The following CYRIB variants were observed in gnomAD, a reference collection of about 807,000 sequenced individuals.
The protein encoded by CYRIB is CYFIP-related Rac1 interactor B.
CYRIB carries 8 observed loss-of-function variants against 44.2 expected under a neutral mutation model. The observed-to-expected ratio is 0.18, with a 90% CI of 0.11 to 0.33. The LOEUF (loss-of-function observed/expected upper bound fraction) is 0.33, where lower values mean the gene tolerates loss of function less well. CYRIB is among the 10% of genes least tolerant of loss of function. CYRIB has a pLI of 1.00. For synonymous variants in CYRIB, 131 were observed against 127.2 expected (o/e 1.03, Z -0.20); for missense variants, 185 against 382.8 (o/e 0.48, Z 4.31).
intron 1 of CYRIB, among the ~76,000 whole-genome samples, chr8:129,975,214 C>A (rs2095867056): frequency 6.6e-6 from 1 of 151,738 alleles, no homozygotes; most frequent in Admixed American, 6.6e-5. Context: ...CAGGGTGTCA[C>A]CATATTGCCC....
intron 5 of CYRIB, among the ~76,000 whole-genome samples, chr8:129,857,377 A>G (rs541887540): frequency 1.3e-5 from 2 of 152,344 alleles, no homozygotes; most frequent in Admixed American, 1.3e-4. Flanking sequence ...AAGGATGAAC[A>G]TGAGTTTGCA....
Position 130,006,646 on chromosome 8 carries a change from ATATACATATATATATG to A in CYRIB, c.-296+9708_-296+9723del, listed in dbSNP as rs1166053633. Among the ~76,000 whole-genome samples, 4 of 127,568 alleles carry A rather than the reference ATATACATATATATATG, an allele frequency of 3.1e-5. 1 individual carries two copies. Among genetic ancestry groups the A allele is most frequent in the African/African-American group, 1.2e-4 (4 of 34,372 alleles). The allele number at this position is 127,568 out of a possible 152,430, so 83.7% of individuals were successfully genotyped here. ...TATATATACATATATATGTGTATAT[ATATACATATATATATG>A]TATATATATATGTATATATATACAC... On this transcript the variant is annotated intron_variant, in intron 1 of 14. Coordinates refer to the CYRIB transcript ENST00000401979.
At chr8:129,875,237 C>T (rs1302958796) in intron 3 of CYRIB, among the ~76,000 whole-genome samples, 1 of 149,608 alleles carries the variant, frequency 6.7e-6, no homozygotes, top group Non-Finnish European at 1.5e-5. Flanking sequence ...ATTCCAACAA[C>T]TAGAAGAGGC....
chr8:129,896,545 C>A (rs1190322888), intron 2 of CYRIB: 6 of 152,134 alleles, frequency 3.9e-5, no homozygotes, highest in African/African-American at 1.4e-4. Flanking sequence ...GAGTTCAAAT[C>A]CTTAAAAATC....
intron 1 of CYRIB, among the ~76,000 whole-genome samples, chr8:129,913,250 C>T (rs1156348045): frequency 1.9e-4 from 29 of 152,162 alleles, no homozygotes; most frequent in Admixed American, 1.9e-3. Context: ...GGATTACAGG[C>T]GTGAGCCACC....
chr8:129,982,766 T>G (rs1376793298), intron 1 of CYRIB, among the ~76,000 whole-genome samples: 2 of 152,196 alleles, frequency 1.3e-5, no homozygotes, highest in African/African-American at 2.4e-5. Flanking sequence ...ATGAGCATCA[T>G]TTCCAGCAGA....
At chr8:129,970,617 C>T (rs2095655673) in intron 2 of CYRIB, 1 of 152,020 alleles carries the variant, frequency 6.6e-6, no homozygotes, top group Non-Finnish European at 1.5e-5. Context: ...GAACTCCTGA[C>T]CTCAAGTGAT....
chr8:129,999,790 A>G (rs959363377), intron 1 of CYRIB, among the ~76,000 whole-genome samples: 2 of 152,068 alleles, frequency 1.3e-5, no homozygotes. Flanking sequence ...CCACGCCCAG[A>G]TAATATTTTT....
At chr8:129,920,777 T>C (rs1247200238) in intron 1 of CYRIB, among the ~76,000 whole-genome samples, 1 of 152,142 alleles carries the variant, frequency 6.6e-6, no homozygotes, top group Non-Finnish European at 1.5e-5. Flanking sequence ...AATTCCCCTA[T>C]CCCCTTTCAT....
intron 1 of CYRIB, among the ~76,000 whole-genome samples, chr8:129,905,446 C>T (rs184250640): frequency 1.3e-5 from 2 of 152,186 alleles, no homozygotes; most frequent in Non-Finnish European, 2.9e-5. Flanking sequence ...CTCCATCTCC[C>T]GATGTCGTGA....
chr8:130,011,924 G>A (rs181109286), intron 1 of CYRIB, among the ~76,000 whole-genome samples: 27 of 151,968 alleles, frequency 1.8e-4, no homozygotes, highest in Non-Finnish European at 3.1e-4. Context: ...TCACCCACAC[G>A]GATCCCATGT....
At chr8:129,845,146 T>A (rs747650014) in intron 11 of CYRIB, among the ~76,000 whole-genome samples, 1 of 152,204 alleles carries the variant, frequency 6.6e-6, no homozygotes, top group African/African-American at 2.4e-5. Flanking sequence ...TCTGCTTTCA[T>A]TCTAAGGAAA....
intron 1 of CYRIB, among the ~76,000 whole-genome samples, chr8:129,920,817 C>T (rs900444289): frequency 1.3e-5 from 2 of 152,098 alleles, no homozygotes; most frequent in African/African-American, 4.8e-5. Flanking sequence ...GGAGCACTTA[C>T]GTATTCTAGA....
intron 7 of CYRIB, among the ~76,000 whole-genome samples, chr8:129,852,747 G>C (rs1372539109): frequency 6.6e-6 from 1 of 152,180 alleles, no homozygotes; most frequent in Admixed American, 6.5e-5. Context: ...TCTGGCAGGG[G>C]AAAGAGTATG....
At chr8:129,887,214 C>T (rs1282131036) in intron 2 of CYRIB, among the ~76,000 whole-genome samples, 1 of 152,170 alleles carries the variant, frequency 6.6e-6, no homozygotes, top group East Asian at 1.9e-4. Context: ...TGCATCCCAG[C>T]CACTCCAGCT....
intron 1 of CYRIB, among the ~76,000 whole-genome samples, chr8:129,939,279 C>CG (rs2093369455): frequency 3.4e-5 from 5 of 145,224 alleles, no homozygotes; most frequent in Admixed American, 2.8e-4. Flanking sequence ...AGGGACGAGC[C>CG]AACGAGCCAG....
chr8:129,876,606 T>C (rs1179924779), intron 3 of CYRIB, among the ~76,000 whole-genome samples: 1 of 152,222 alleles, frequency 6.6e-6, no homozygotes, highest in Non-Finnish European at 1.5e-5. Flanking sequence ...CTTAATTTTG[T>C]AAACTACAAG....
At chr8:129,938,871 A>AC (rs1313166303) in intron 1 of CYRIB, among the ~76,000 whole-genome samples, 1 of 152,226 alleles carries the variant, frequency 6.6e-6, no homozygotes, top group African/African-American at 2.4e-5. Context: ...ACACATACAC[A>AC]CACACACACA....
chr8:129,863,464 G>A (rs565062240), intron 4 of CYRIB, among the ~76,000 whole-genome samples: 28 of 151,880 alleles, frequency 1.8e-4, no homozygotes, highest in African/African-American at 6.8e-4. Context: ...AGTGGAGGCT[G>A]CAGTGAGCCG....
Sources: gnomAD v4.1 joint callset for allele counts (sites outside exome capture counted in the v4.1 genomes callset) on GRCh38, gnomAD v4.1.1 for gene constraint, MANE v1.5 for transcripts, NCBI Gene and HGNC (gene_info 2026-07-23, HGNC 2026-07-21) for gene names.